LRRC49: variants seen among roughly 807,000 people sequenced by gnomAD.
LRRC49 encodes leucine-rich repeat-containing protein 49.
In LRRC49, 50 loss-of-function variants were observed where a neutral mutation model predicts 83.3. That is an observed-to-expected ratio of 0.60 (90% CI 0.48 to 0.76). The LOEUF (loss-of-function observed/expected upper bound fraction) is 0.76. LRRC49 is among the 30% of genes least tolerant of loss of function. The pLI, the probability that LRRC49 is intolerant of heterozygous loss-of-function variation, is 0.00. For missense variants in LRRC49, 704 were observed against 809.1 expected, an observed-to-expected ratio of 0.87 and a Z score of 1.58; for synonymous variants, 286 against 283.3, an observed-to-expected ratio of 1.01 and a Z score of -0.10.
intron 9 of LRRC49, among the ~76,000 whole-genome samples, chr15:70,969,243 C>G (rs1465275461): frequency 1.3e-5 from 2 of 152,152 alleles, no homozygotes; most frequent in Admixed American, 6.5e-5. Flanking sequence ...ATAGGGAATC[C>G]TTTACCCATT....
At chr15:71,012,951 G>A (rs754018357) in intron 14 of LRRC49, 38 bp downstream of exon 14, 1 of 1,274,496 alleles carries the variant, frequency 7.8e-7, no homozygotes, top group Admixed American at 1.9e-5. Flanking sequence ...TAGAATTACT[G>A]TTACACTAGA....
intron 8 of LRRC49, among the ~76,000 whole-genome samples, chr15:70,963,216 G>A (rs1190152637): frequency 6.8e-6 from 1 of 147,682 alleles, no homozygotes; most frequent in Non-Finnish European, 1.5e-5. Context: ...TTTGAGGTTA[G>A]GATTAGCTAT....
rs1473680964 is a variant in LRRC49 at position 70,903,241 on chromosome 15, A to T, written c.297-1311A>T. ...TAGAATACTTATAATTTATTAATTT[A>T]TAATTTATATACTAAATTTATTGAT... On this transcript the variant is annotated intron_variant, in intron 4 of 15. Transcript: ENST00000260382. 4.6e-5 allele frequency among the ~76,000 whole-genome samples: 7 copies of T among 152,110 alleles called. 1 individual carries two copies. In the South Asian group the frequency reaches 1.2e-3, roughly 27 times the overall value.
chr15:70,918,484 A>G (rs1438124900), intron 6 of LRRC49: 3 of 152,310 alleles, frequency 2.0e-5, no homozygotes, highest in South Asian at 2.1e-4. Context: ...AACATCTTCC[A>G]TCCTTATTAA....
intron 10 of LRRC49, among the ~76,000 whole-genome samples, chr15:70,982,022 G>A (rs2037420103): frequency 6.6e-6 from 1 of 150,820 alleles, no homozygotes; most frequent in Admixed American, 6.6e-5. Context: ...CCTTTTCCGG[G>A]CCCCAGTAAA....
At chr15:70,991,366 G>C (rs2037873141) in intron 11 of LRRC49, among the ~76,000 whole-genome samples, 1 of 152,098 alleles carries the variant, frequency 6.6e-6, no homozygotes, top group African/African-American at 2.4e-5. Context: ...GTATCCACAG[G>C]GGATTGGTTC....
intron 9 of LRRC49, among the ~76,000 whole-genome samples, chr15:70,967,262 CATA>C (rs1340311274): frequency 6.6e-6 from 1 of 152,032 alleles, no homozygotes; most frequent in Non-Finnish European, 1.5e-5. Context: ...CATTTTATAT[CATA>C]ATAAGGAGTT....
upstream of LRRC49, chr15:70,892,053 G>A: frequency 1.2e-6 from 2 of 1,613,684 alleles, no homozygotes; most frequent in Non-Finnish European, 1.7e-6. Flanking sequence ...TGGGAGAAGC[G>A]CAGGTTCTTC....
rs139588019 is a variant in LRRC49 at position 71,010,007 on chromosome 15, A to G, written c.1593+15A>G. 23 of 1,496,378 alleles carry G rather than the reference A, an allele frequency of 1.5e-5. No individual in the cohort carries two copies. The highest frequency in any genetic ancestry group is 1.3e-4 in the African/African-American group (9 of 71,636). 92.7% of individuals were successfully genotyped at this position (1,496,378 alleles called of 1,614,324 possible). A position where few individuals can be genotyped will look rare whatever the true frequency, so the allele number is the denominator to read the frequency against. ...ATGGAACAGAGGTAAGCTAAAAACT[A>G]GATGAACTATAGAATAAAAATATTC... On this transcript the variant is annotated intron_variant, in intron 13 of 15. Transcript: ENST00000260382.
intron 11 of LRRC49, among the ~76,000 whole-genome samples, chr15:70,990,992 G>A (rs1057370148): frequency 7.2e-5 from 11 of 152,172 alleles, no homozygotes; most frequent in Admixed American, 2.0e-4. Context: ...TAAGCTTCAT[G>A]AGGAAAGGAA....
intron 2 of LRRC49, among the ~76,000 whole-genome samples, chr15:70,883,091 C>G: frequency 6.6e-6 from 1 of 152,040 alleles, no homozygotes; most frequent in East Asian, 1.9e-4. Flanking sequence ...GCCATATTGT[C>G]TTTTTTCCAC....
chr15:70,892,482 T>C, upstream of LRRC49: 1 of 1,529,030 alleles, frequency 6.5e-7, no homozygotes, highest in Non-Finnish European at 8.7e-7. Flanking sequence ...TCCTCCTCCC[T>C]GCGCTGCTCC....
Position 71,051,635 on chromosome 15 carries a change from C to T in LRRC49, c.*2023C>T, listed in dbSNP as rs897921267. 1.3e-5 allele frequency: 2 copies of T among 152,234 alleles called. No homozygotes were observed. Among genetic ancestry groups the T allele is most frequent in the African/African-American group, 4.8e-5 (2 of 41,438 alleles). 9.4% of individuals were successfully genotyped at this position (152,234 alleles called of 1,614,324 possible). On this transcript the variant is annotated 3_prime_UTR_variant, in exon 16 of 16. Transcript: ENST00000260382. ...CTCTAGGCTTTGCAGATGAATGGACCTAGCTGTTTAGTAATCTGTCCAGCT... is the reference window on the plus strand; with the variant it reads ...CTCTAGGCTTTGCAGATGAATGGACTTAGCTGTTTAGTAATCTGTCCAGCT...
chr15:70,861,702 C>A (rs1360732491), intron 1 of LRRC49, among the ~76,000 whole-genome samples: 2 of 152,180 alleles, frequency 1.3e-5, no homozygotes, highest in African/African-American at 4.8e-5. Context: ...GCTTTACCTG[C>A]CATTTATGTC....
chr15:70,949,766 A>C (rs1314629413), intron 8 of LRRC49, among the ~76,000 whole-genome samples: 2 of 152,246 alleles, frequency 1.3e-5, no homozygotes, highest in East Asian at 3.9e-4. Context: ...TTCAAGTTTT[A>C]CTTTTTGGAA....
chr15:70,964,663 CAAG>C (rs924603282), intron 9 of LRRC49, among the ~76,000 whole-genome samples: 1 of 152,040 alleles, frequency 6.6e-6, no homozygotes, highest in African/African-American at 2.4e-5. Flanking sequence ...TTATAGGATC[CAAG>C]AAGTTCTGTA....
rs976292654 is a variant in LRRC49 at position 70,906,098 on chromosome 15, C to CTT, written c.500+1359_500+1360dup. ...GAGTGAGCTCCCTCCATTTTTTTTTCTTTTTTTTTTTTTTTTTGAGATGGA... is the reference window on the plus strand; with the variant it reads ...GAGTGAGCTCCCTCCATTTTTTTTTCTTTTTTTTTTTTTTTTTTTGAGATGGA... On this transcript the variant is annotated intron_variant, in intron 5 of 15. Transcript: ENST00000260382. 1.5e-3 allele frequency among the ~76,000 whole-genome samples: 195 copies of CTT among 130,840 alleles called. 2 individuals are homozygous for CTT. The highest frequency in any genetic ancestry group is 4.6e-3 in the African/African-American group (163 of 35,274). 85.8% of individuals were successfully genotyped at this position (130,840 alleles called of 152,430 possible).
chr15:70,930,225 T>G (rs1230217853), intron 7 of LRRC49, among the ~76,000 whole-genome samples: 1 of 152,244 alleles, frequency 6.6e-6, no homozygotes, highest in East Asian at 1.9e-4. Context: ...GCAGAATGGA[T>G]GTTGTGTTAG....
intron 12 of LRRC49, among the ~76,000 whole-genome samples, chr15:71,009,229 T>G (rs1217842386): frequency 6.6e-6 from 1 of 151,878 alleles, no homozygotes; most frequent in Non-Finnish European, 1.5e-5. Context: ...CTAAAAAAGA[T>G]AGTTAGAGGT....
Sources: gnomAD v4.1 joint callset for allele counts (sites outside exome capture counted in the v4.1 genomes callset) on GRCh38, gnomAD v4.1.1 for gene constraint, MANE v1.5 for transcripts, NCBI Gene and HGNC (gene_info 2026-07-23, HGNC 2026-07-21) for gene names.